Variants in ADAM18 observed in about 807,000 individuals in gnomAD.
ADAM18 encodes disintegrin and metalloproteinase domain-containing protein 18.
ADAM18 carries 117 observed loss-of-function variants against 94.4 expected under a neutral mutation model. The ratio of observed to expected loss-of-function variants is 1.24; its 90% confidence interval spans 1.07 to 1.45. The LOEUF (loss-of-function observed/expected upper bound fraction) is 1.45. Among genes scored for constraint, ADAM18 ranks in the 40% most tolerant of loss-of-function variants. The pLI is 0.00. For synonymous variants in ADAM18, 327 were observed against 291.6 expected (o/e 1.12, Z -1.24); for missense variants, 936 against 880.0 (o/e 1.06, Z -0.81).
intron 1 of ADAM18, among the ~76,000 whole-genome samples, chr8:39,584,903 G>C (rs551865492): frequency 6.6e-6 from 1 of 152,252 alleles, no homozygotes; most frequent in South Asian, 2.1e-4. Context: ...GGTCTCAGTG[G>C]CCCACACGCA....
Position 39,637,709 on chromosome 8 carries a change from C to A in ADAM18, c.827+6C>A. 1 of 1,581,660 alleles carries A rather than the reference C, an allele frequency of 6.3e-7. No individual in the cohort carries two copies. The highest frequency in any genetic ancestry group is 8.6e-7 in the Non-Finnish European group (1 of 1,165,572). ...GACATAGCATACTTACTTGTGTAAG[C>A]ACAATGTTCTACATTAATAAAGATA... On this transcript the variant is annotated splice_donor_region_variant and intron_variant, in intron 9 of 19. Transcript: ENST00000265707.
intron 14 of ADAM18, among the ~76,000 whole-genome samples, chr8:39,675,441 C>A (rs1044306902): frequency 6.6e-6 from 1 of 152,164 alleles, no homozygotes; most frequent in Non-Finnish European, 1.5e-5. Context: ...GCATGCCTCA[C>A]GAAGTTCTCG....
chr8:39,625,615 A>T (rs1819745891), intron 6 of ADAM18, among the ~76,000 whole-genome samples: 1 of 151,504 alleles, frequency 6.6e-6, no homozygotes, highest in African/African-American at 2.4e-5. Flanking sequence ...GTCTTTTTCC[A>T]GTTCTTGGGG....
chr8:39,718,771 C>CAAAT (rs1324038036), intron 18 of ADAM18, among the ~76,000 whole-genome samples: 2 of 151,298 alleles, frequency 1.3e-5, no homozygotes, highest in African/African-American at 2.4e-5. Context: ...AAAATACTTG[C>CAAAT]AAATAAATTT....
chr8:39,679,340 A>C (rs1243366064), intron 15 of ADAM18, among the ~76,000 whole-genome samples: 2 of 152,186 alleles, frequency 1.3e-5, no homozygotes, highest in Non-Finnish European at 2.9e-5. Flanking sequence ...TTCAAGTACA[A>C]AAAGTGACAT....
At chr8:39,640,304 G>A (rs1389156054) in intron 10 of ADAM18, among the ~76,000 whole-genome samples, 1 of 152,028 alleles carries the variant, frequency 6.6e-6, no homozygotes, top group Non-Finnish European at 1.5e-5. Flanking sequence ...TCCTGCATTA[G>A]TTTGCTGAGG....
chr8:39,706,775 A>G lies in ADAM18; in HGVS notation c.1903-15A>G. ...CTAAGACGACTCAAACTGTTTCTGT[A>G]TTTTTCTGTTTCAGATATGTAATAA... On this transcript the variant is annotated splice_polypyrimidine_tract_variant and intron_variant, in intron 17 of 19. Transcript: ENST00000265707. 6.9e-7 allele frequency: 1 copy of G among 1,456,470 alleles called. No homozygotes were observed. Among genetic ancestry groups the G allele is most frequent in the Non-Finnish European group, 9.6e-7 (1 of 1,040,370 alleles). The allele number at this position is 1,456,470 out of a possible 1,614,324, so 90.2% of individuals were successfully genotyped here. A position where few individuals can be genotyped will look rare whatever the true frequency, so the allele number is the denominator to read the frequency against.
chr8:39,687,592 A>C (rs1368884298), intron 16 of ADAM18, among the ~76,000 whole-genome samples: 1 of 152,144 alleles, frequency 6.6e-6, no homozygotes, highest in African/African-American at 2.4e-5. Flanking sequence ...GTACCCAATA[A>C]GTAGCCTCCC....
At chr8:39,720,244 TA>T (rs1822709476) in intron 18 of ADAM18, among the ~76,000 whole-genome samples, 1 of 151,476 alleles carries the variant, frequency 6.6e-6, no homozygotes, top group East Asian at 1.9e-4. Context: ...TATATAAGTA[TA>T]AAAAATGAAA....
intron 2 of ADAM18, chr8:39,605,906 G>T: frequency 5.8e-6 from 1 of 173,512 alleles, no homozygotes; most frequent in Non-Finnish European, 1.2e-5. Flanking sequence ...TCATTCTTAT[G>T]CCTTTGCATC....
At chr8:39,586,808 ATC>A (rs762883619) in intron 2 of ADAM18, among the ~76,000 whole-genome samples, 36 of 149,382 alleles carry the variant, frequency 2.4e-4, no homozygotes, top group Non-Finnish European at 4.3e-4. Context: ...ATCTATATCT[ATC>A]TATCTATCAT....
At chr8:39,596,024 TTC>T (rs1818730880) in intron 2 of ADAM18, among the ~76,000 whole-genome samples, 2 of 152,232 alleles carry the variant, frequency 1.3e-5, no homozygotes, top group Non-Finnish European at 2.9e-5. Context: ...TTTCAAGAAT[TTC>T]TAAAATAAAC....
chr8:39,725,044 T>C (rs1367279320), intron 19 of ADAM18, among the ~76,000 whole-genome samples: 1 of 151,970 alleles, frequency 6.6e-6, no homozygotes, highest in Middle Eastern at 3.2e-3. Flanking sequence ...GTATTTACTA[T>C]TGTGAATACC....
chr8:39,699,355 T>C (rs1822004395), intron 17 of ADAM18, among the ~76,000 whole-genome samples: 1 of 152,096 alleles, frequency 6.6e-6, no homozygotes, highest in South Asian at 2.1e-4. Context: ...AGACTTTAAT[T>C]TTATTGAATT....
At chr8:39,635,281 A>C (rs1820046805) in intron 7 of ADAM18, among the ~76,000 whole-genome samples, 1 of 152,200 alleles carries the variant, frequency 6.6e-6, no homozygotes, top group African/African-American at 2.4e-5. Flanking sequence ...AGATTTTTAA[A>C]ATGATCTAAA....
intron 6 of ADAM18, among the ~76,000 whole-genome samples, chr8:39,622,745 A>G (rs1264624387): frequency 6.6e-6 from 1 of 152,222 alleles, no homozygotes; most frequent in Non-Finnish European, 1.5e-5. Flanking sequence ...AACTGAGGTT[A>G]TAATAAGTTA....
chr8:39,687,045 A>G (rs1362454981), intron 16 of ADAM18, among the ~76,000 whole-genome samples: 1 of 152,178 alleles, frequency 6.6e-6, no homozygotes, highest in Non-Finnish European at 1.5e-5. Flanking sequence ...AGACTTCCAG[A>G]ATGGATTGCA....
Position 39,645,436 on chromosome 8 carries a change from C to T in ADAM18, c.1008C>T (p.Phe336=), listed in dbSNP as rs1442783428. 5.6e-6 allele frequency: 9 copies of T among 1,612,254 alleles called. No homozygotes were observed. Among genetic ancestry groups the T allele is most frequent in the South Asian group, 2.2e-5 (2 of 90,834 alleles). The change falls in exon 11 of 20, where the codon TTC becomes TTT. Residue 336 remains phenylalanine, a synonymous_variant. Coordinates refer to ENST00000265707, the MANE Select transcript of ADAM18 (RefSeq NM_014237.3). ...GLTYDDITQC[F]CLRATCIMNH... ...CATATGATGACATCACTCAGTGTTT[C>T]TGTCTGAGAGCTACATGCATCATGA... is the stretch of plus-strand genomic sequence containing the variant.
At chr8:39,696,388 GTTTA>G (rs1457102221) in intron 17 of ADAM18, among the ~76,000 whole-genome samples, 1 of 151,270 alleles carries the variant, frequency 6.6e-6, no homozygotes, top group Non-Finnish European at 1.5e-5. Context: ...TTTTGATGAT[GTTTA>G]TTTATTTTTT....
Sources: allele counts gnomAD v4.1 joint callset (sites outside exome capture counted in the v4.1 genomes callset), GRCh38; gene constraint gnomAD v4.1.1; transcripts MANE v1.5; gene names NCBI Gene and HGNC (gene_info 2026-07-23, HGNC 2026-07-21).